JAK1: variants seen among roughly 807,000 people sequenced by gnomAD.
The protein encoded by JAK1 is tyrosine-protein kinase JAK1.
In JAK1, 16 loss-of-function variants were observed where a neutral mutation model predicts 136.6. The ratio of observed to expected loss-of-function variants is 0.12; its 90% confidence interval spans 0.08 to 0.18. JAK1 has a LOEUF of 0.18. Among genes scored for constraint, JAK1 ranks in the 10% least tolerant of loss-of-function variants. The pLI is 1.00. For missense variants in JAK1, 859 were observed against 1,450.1 expected (o/e 0.59, Z 6.62); for synonymous variants, 492 against 519.5 (o/e 0.95, Z 0.72).
At chr1:65,017,026 A>T (rs1646896928) in intron 2 of JAK1, among the ~76,000 whole-genome samples, 1 of 152,242 alleles carries the variant, frequency 6.6e-6, no homozygotes, top group Non-Finnish European at 1.5e-5. Flanking sequence ...AGGAAAATAT[A>T]AAAATTTTGA....
At chr1:64,862,603 G>A (rs1656420208) in intron 8 of JAK1, among the ~76,000 whole-genome samples, 1 of 152,178 alleles carries the variant, frequency 6.6e-6, no homozygotes, top group African/African-American at 2.4e-5. Context: ...CTTAGATGAT[G>A]GGTGCACCAA....
At chr1:64,904,210 G>A (rs1406426077) in intron 1 of JAK1, among the ~76,000 whole-genome samples, 1 of 152,152 alleles carries the variant, frequency 6.6e-6, no homozygotes. Context: ...GAGTGACACA[G>A]TAATTGATTA....
chr1:64,841,401 G>A, intron 18 of JAK1, 50 bp downstream of exon 18: 1 of 1,612,510 alleles, frequency 6.2e-7, no homozygotes, highest in Non-Finnish European at 8.5e-7. Flanking sequence ...TGCCACCCAG[G>A]CTCCTGTTTC....
chr1:65,019,470 T>C (rs1377785720), intron 2 of JAK1, among the ~76,000 whole-genome samples: 1 of 136,044 alleles, frequency 7.4e-6, no homozygotes, highest in Non-Finnish European at 1.6e-5. Flanking sequence ...CCCCAATATA[T>C]TTAGGAAAAG....
At chr1:64,910,263 G>GTTA (rs1645260500) in intron 1 of JAK1, among the ~76,000 whole-genome samples, 1 of 152,144 alleles carries the variant, frequency 6.6e-6, no homozygotes, top group African/African-American at 2.4e-5. Flanking sequence ...CTAGTGGAAA[G>GTTA]TTATTTGTAG....
intron 2 of JAK1, among the ~76,000 whole-genome samples, chr1:65,041,713 C>T (rs1479744634): frequency 6.6e-6 from 1 of 152,154 alleles, no homozygotes; most frequent in African/African-American, 2.4e-5. Flanking sequence ...TACAGTTGGT[C>T]CTCCCATCTG....
intron 2 of JAK1, among the ~76,000 whole-genome samples, chr1:65,036,820 C>T (rs1647078902): frequency 6.6e-6 from 1 of 152,162 alleles, no homozygotes; most frequent in South Asian, 2.1e-4. Context: ...GTAATCATTA[C>T]AGTACATGGA....
At chr1:64,869,581 G>A (rs566769573) in intron 5 of JAK1, 107 bp from the exon 6 acceptor site, 88 of 820,562 alleles carry the variant, frequency 1.1e-4, no homozygotes, top group Non-Finnish European at 1.4e-4. Flanking sequence ...GCAACGAGAC[G>A]AATCAGATTG....
intron 2 of JAK1, among the ~76,000 whole-genome samples, chr1:65,001,518 C>T (rs1039003753): frequency 6.6e-6 from 1 of 152,102 alleles, no homozygotes; most frequent in African/African-American, 2.4e-5. Flanking sequence ...TCTGAATCTT[C>T]CAGGAGGAAA....
chr1:64,865,089 C>G (rs1656612618), intron 7 of JAK1, 117 bp from the exon 8 acceptor site: 1 of 745,338 alleles, frequency 1.3e-6, no homozygotes, highest in Non-Finnish European at 2.2e-6. Context: ...AGAAAGCCAG[C>G]TCTTCTGGAC....
At position 65,025,323 on chromosome 1, in the gene JAK1, G is replaced by A. The variant is rs182258590; in HGVS notation, c.-78+19157C>T. 1.2e-3 allele frequency among the ~76,000 whole-genome samples: 185 copies of A among 152,260 alleles called. 1 individual carries two copies. The highest frequency in any genetic ancestry group is 3.5e-3 in the Admixed American group (53 of 15,278). On this transcript the variant is annotated intron_variant, in intron 2 of 25. Transcript: ENST00000671954. ...GATTCCAAGTCGGGGAAGAGAGAGA[G>A]TTATCCAGAGAGAAATTAGAATACA...
At chr1:64,836,732 C>T (rs988824342) in intron 22 of JAK1, among the ~76,000 whole-genome samples, 1 of 152,192 alleles carries the variant, frequency 6.6e-6, no homozygotes, top group African/African-American at 2.4e-5. Context: ...CTGTCACTCT[C>T]CCAGTCCCTG....
rs1646102492 is a variant in JAK1 at position 64,952,107 on chromosome 1, A to G, written c.-78+14226T>C. On this transcript the variant is annotated intron_variant, in intron 1 of 24. Transcript: ENST00000342505. ...ACATAAAGTATCTGAAACGCTATAC[A>G]TTTGCCCTGCCAAAATAGCAGGAAA... 1.3e-5 allele frequency among the ~76,000 whole-genome samples: 2 copies of G among 152,204 alleles called. 1 individual carries two copies. Among genetic ancestry groups the G allele is most frequent in the Non-Finnish European group, 2.9e-5 (2 of 68,036 alleles).
rs371460170 is a variant in JAK1 at position 64,915,501 on chromosome 1, T to C, written c.-77-29160A>G. 7.9e-5 allele frequency among the ~76,000 whole-genome samples: 12 copies of C among 152,222 alleles called. No individual in the cohort carries two copies. The East Asian group carries it at 2.1e-3, about 27-fold the overall frequency. The stretch of plus-strand genomic sequence containing the variant: ...AAGAAAGAGGGCCAGAGAAAGGTGT[T>C]TGAGAAAAAGAATCCCGTTGGCCAC... On this transcript the variant is annotated intron_variant, in intron 1 of 24. Transcript: ENST00000342505.
intron 1 of JAK1, among the ~76,000 whole-genome samples, chr1:65,045,841 G>C (rs1647178373): frequency 6.6e-6 from 1 of 152,140 alleles, no homozygotes; most frequent in Non-Finnish European, 1.5e-5. Context: ...ATAGCTCCTG[G>C]AAGTAAATCT....
At chr1:64,869,843 A>C (rs1470974667) in intron 5 of JAK1, among the ~76,000 whole-genome samples, 1 of 152,164 alleles carries the variant, frequency 6.6e-6, no homozygotes, top group Admixed American at 6.5e-5. Flanking sequence ...GAATTCCACA[A>C]ACATGCTTAG....
In JAK1 at chr1:64,855,609, G is replaced by A. The variant is rs542531538; in HGVS notation, c.1548C>T (p.Phe516=). The A allele has an allele frequency of 6.2e-7, 1 of 1,614,166 alleles. No individual in the cohort carries two copies. The highest frequency in any genetic ancestry group is 2.2e-5 in the East Asian group (1 of 44,882). Residue 516 remains phenylalanine, a synonymous_variant, in exon 11 of 25, where the codon TTC becomes TTT. Transcript: ENST00000342505. ...RYSLHGSDRS[F]PSLGDLMSHL... ...GGCTCATGAGGTCTCCCAAGCTGGG[G>A]AAGCTGCGGTCCGAACCGTGCAGAC...
intron 1 of JAK1, among the ~76,000 whole-genome samples, chr1:64,896,317 A>G (rs1465098940): frequency 1.3e-5 from 2 of 152,218 alleles, no homozygotes; most frequent in Non-Finnish European, 2.9e-5. Context: ...GTATCAAACT[A>G]TTTAGTGGCA....
chr1:65,063,587 C>A (rs1197328132), intron 1 of JAK1, among the ~76,000 whole-genome samples: 1 of 152,100 alleles, frequency 6.6e-6, no homozygotes, highest in Non-Finnish European at 1.5e-5. Flanking sequence ...ATGGATCACC[C>A]GAGCTTAGGA....
Sources: allele counts gnomAD v4.1 joint callset (sites outside exome capture counted in the v4.1 genomes callset), GRCh38; gene constraint gnomAD v4.1.1; transcripts MANE v1.5; gene names NCBI Gene and HGNC (gene_info 2026-07-23, HGNC 2026-07-21).